Variants in TTC5 observed in about 807,000 individuals in gnomAD.
TTC5 encodes tetratricopeptide repeat protein 5.
A neutral mutation model predicts 57.4 loss-of-function variants in TTC5; 46 were observed. The ratio of observed to expected loss-of-function variants is 0.80; its 90% CI spans 0.63 to 1.03. The LOEUF is 1.03. TTC5 is among the 50% of genes least tolerant of loss of function. TTC5 has a pLI of 0.00. For synonymous variants in TTC5, 190 were observed against 203.5 expected, an observed-to-expected ratio of 0.93 and a Z score of 0.57; for missense variants, 504 against 528.1, an observed-to-expected ratio of 0.95 and a Z score of 0.45.
In TTC5 at chr14:20,289,739, G is replaced by A. The variant is rs1396529797; in HGVS notation, c.1211C>T (p.Ser404Phe). 1.2e-6 allele frequency: 2 copies of A among 1,612,884 alleles called. No homozygotes were observed. Among genetic ancestry groups the A allele is most frequent in the South Asian group, 2.2e-5 (2 of 90,912 alleles). ...CGTCTCCACTCGAACACTGGAAAAG[G>A]AATAGTCCTAGAAAAGACAGACAGA... ...HRIQHKGKDY[S>F]FSSVRVETPL... The change falls in exon 10 of 10, where the codon TCC (serine) becomes TTC (phenylalanine). Residue 404 changes from serine (S) to phenylalanine (F), a missense_variant. Coordinates refer to ENST00000258821, the MANE Select transcript of TTC5 (RefSeq NM_138376.3).
chr14:20,297,602 C>G lies in TTC5; in HGVS notation c.640-1156G>C, dbSNP rs141596189. Among the ~76,000 whole-genome samples the G allele has an allele frequency of 2.2e-3, 334 of 152,158 alleles. 4 individuals are homozygous for G. Among genetic ancestry groups the G allele is most frequent in the African/African-American group, 7.6e-3 (317 of 41,492 alleles). ...CCTGGCCAACATGGTGAAACCCCGC[C>G]TCTACTAAAAATACAAAAATTAGGC... On this transcript the variant is annotated intron_variant, in intron 5 of 9. Transcript: ENST00000258821.
At chr14:20,302,861 T>C (rs1882218895) in intron 1 of TTC5, among the ~76,000 whole-genome samples, 5 of 152,148 alleles carry the variant, frequency 3.3e-5, no homozygotes, top group Admixed American at 3.3e-4. Context: ...TTTCAGCCTA[T>C]GTGTATAAAG....
At chr14:20,300,094 C>A (rs1228701964) in intron 3 of TTC5, among the ~76,000 whole-genome samples, 2 of 146,390 alleles carry the variant, frequency 1.4e-5, no homozygotes, top group African/African-American at 5.0e-5. Flanking sequence ...CCCACTTTGG[C>A]CTCCCAAAGT....
chr14:20,302,363 T>C (rs1028439146), intron 1 of TTC5, among the ~76,000 whole-genome samples: 2 of 152,254 alleles, frequency 1.3e-5, no homozygotes, highest in Non-Finnish European at 2.9e-5. Flanking sequence ...CTTTGAAATT[T>C]ACCCTTAAAG....
Position 20,295,846 on chromosome 14 carries a change from T to C in TTC5, c.705A>G (p.Lys235=), listed in dbSNP as rs758136785. ...GGGCCTCCCCATAACTCTCTTCATA[T>C]TTATGCAACTGTACAAGAAGTGTAT... ...DLHLNRATLH[K]YEESYGEALE... is the part of the protein sequence containing the mutation. The change falls in exon 7 of 10, where the codon AAA becomes AAG. Residue 235 remains lysine, a synonymous_variant. Transcript: ENST00000258821. 1 of 1,582,086 alleles carries C rather than the reference T, an allele frequency of 6.3e-7. No individual in the cohort carries two copies. Among genetic ancestry groups the C allele is most frequent in the Non-Finnish European group, 8.5e-7 (1 of 1,170,828 alleles).
At chr14:20,295,557 G>A (rs72671250) in intron 7 of TTC5, 31 bp from the exon 8 acceptor site, 121,445 of 1,594,712 alleles carry the variant, frequency 0.076, 5,167 homozygotes, top group Middle Eastern at 0.092. Context: ...GTAAGAAGCT[G>A]GAAACTAGTC....
intron 9 of TTC5, among the ~76,000 whole-genome samples, chr14:20,291,063 C>CTT (rs201999119): frequency 1.0e-4 from 15 of 148,926 alleles, no homozygotes; most frequent in African/African-American, 3.2e-4. Context: ...TCTTGTTTTT[C>CTT]TTTTTTTTTT....
At chr14:20,301,706 A>G in intron 2 of TTC5, 127 bp downstream of exon 2, 1 of 1,192,192 alleles carries the variant, frequency 8.4e-7, no homozygotes, top group Non-Finnish European at 1.2e-6. Flanking sequence ...GGGCCCTGAG[A>G]AGTAGTATTA....
In TTC5 at chr14:20,287,858, C is replaced by T. The variant is rs1881870274; in HGVS notation, c.*1769G>A. 1 of 152,188 alleles carries T rather than the reference C, an allele frequency of 6.6e-6. No homozygotes were observed. The highest frequency in any genetic ancestry group is 2.1e-4 in the South Asian group (1 of 4,824). The allele number at this position is 152,188 out of a possible 1,614,324, so 9.4% of individuals were successfully genotyped here. A position where few individuals can be genotyped will look rare whatever the true frequency, so the allele number is the denominator to read the frequency against. ...AAGTTATTTTTATACCCCACAAGCT[C>T]CTAATCACTCTTCTATGACTCTAGG... On this transcript the variant is annotated 3_prime_UTR_variant, in exon 10 of 10. Transcript: ENST00000258821.
chr14:20,298,548 G>A (rs1882112987), intron 5 of TTC5, among the ~76,000 whole-genome samples: 1 of 152,204 alleles, frequency 6.6e-6, no homozygotes, highest in African/African-American at 2.4e-5. Context: ...TTATATATGT[G>A]TGTAAGAAAC....
intron 8 of TTC5, chr14:20,295,079 T>G (rs1272784246): frequency 1.7e-5 from 9 of 539,384 alleles, no homozygotes; most frequent in South Asian, 1.6e-4. Context: ...GGAATCCACA[T>G]AGCACCAAAC....
intron 5 of TTC5, among the ~76,000 whole-genome samples, chr14:20,297,620 A>T (rs1882092934): frequency 6.6e-6 from 1 of 152,036 alleles, no homozygotes; most frequent in South Asian, 2.1e-4. Flanking sequence ...AAAATACAAA[A>T]ATTAGGCGGG....
At position 20,289,286 on chromosome 14, in the gene TTC5, T is replaced by C. The variant is rs1028127188; in HGVS notation, c.*341A>G. On this transcript the variant is annotated 3_prime_UTR_variant, in exon 10 of 10. Coordinates refer to ENST00000258821, the MANE Select transcript of TTC5 (RefSeq NM_138376.3). ...AATAAATACTGAACTGATATATACA[T>C]ATGAGGCTTAGGAAGGAGGCAACAA... The C allele has an allele frequency of 8.7e-5, 16 of 184,852 alleles. No individual in the cohort carries two copies. The highest frequency in any genetic ancestry group is 3.5e-4 in the African/African-American group (15 of 43,038). The allele number at this position is 184,852 out of a possible 1,614,324, so 11.5% of individuals were successfully genotyped here.
At chr14:20,301,575 G>A (rs1882191373) in intron 2 of TTC5, among the ~76,000 whole-genome samples, 1 of 152,220 alleles carries the variant, frequency 6.6e-6, no homozygotes, top group African/African-American at 2.4e-5. Context: ...GAAAGTAAAA[G>A]AAATTAGAGG....
In TTC5 at chr14:20,291,961, G is replaced by C. The variant is rs1881961847; in HGVS notation, c.1203+22C>G. ...TACTTTTAGAGCCTACGAGTTGTAA[G>C]AGAATCCTAGCCATTGCTCACCTTT... On this transcript the variant is annotated intron_variant, in intron 9 of 9. Transcript: ENST00000258821. 9 of 1,535,858 alleles carry C rather than the reference G, an allele frequency of 5.9e-6. No individual in the cohort carries two copies. The East Asian group carries it at 1.9e-4, about 32-fold the overall frequency.
Position 20,299,465 on chromosome 14 carries a change from C to T in TTC5, c.397-17G>A, listed in dbSNP as rs779755449. 9.9e-6 allele frequency: 16 copies of T among 1,611,830 alleles called. No homozygotes were observed. The highest frequency in any genetic ancestry group is 1.3e-5 in the African/African-American group (1 of 74,912). ...GTTCCTGCACTGCAAATAGGAAGGG[C>T]ACATACTCAATCTTCCTGATTCTAC... On this transcript the variant is annotated splice_polypyrimidine_tract_variant and intron_variant, in intron 3 of 9. Transcript: ENST00000258821.
chr14:20,300,795 C>T lies in TTC5; in HGVS notation c.208G>A (p.Val70Ile). The change falls in exon 3 of 10, where the codon GTT (valine) becomes ATT (isoleucine). Residue 70 changes from valine to isoleucine, a missense_variant. By Grantham distance (29) the Val-to-Ile change is conservative (BLOSUM62 3). Coordinates refer to ENST00000258821, the MANE Select transcript of TTC5 (RefSeq NM_138376.3). Reference protein sequence around the residue: ...VVGSVQGKAQVLMLTGKALNV... With the variant: ...VVGSVQGKAQILMLTGKALNV... The stretch of plus-strand genomic sequence containing the variant: ...AGTGCTTTCCCAGTTAGCATTAGAA[C>T]TTGTGCCTTGCCCTGGACAGAACCT... 8 of 1,613,948 alleles carry T rather than the reference C, an allele frequency of 5.0e-6. No homozygotes were observed. The highest frequency in any genetic ancestry group is 1.1e-5 in the South Asian group (1 of 91,064).
At chr14:20,302,711 A>G (rs1882216202) in intron 1 of TTC5, among the ~76,000 whole-genome samples, 1 of 152,148 alleles carries the variant, frequency 6.6e-6, no homozygotes, top group Admixed American at 6.5e-5. Flanking sequence ...CCCTAATGCA[A>G]AAATCTGAAA....
intron 1 of TTC5, among the ~76,000 whole-genome samples, chr14:20,304,177 C>T (rs1348858279): frequency 2.0e-5 from 3 of 152,136 alleles, no homozygotes; most frequent in African/African-American, 7.2e-5. Flanking sequence ...AGCACCAGAA[C>T]GGGACTTGGG....
Sources: gnomAD v4.1 joint callset for allele counts (sites outside exome capture counted in the v4.1 genomes callset) on GRCh38, gnomAD v4.1.1 for gene constraint, MANE v1.5 for transcripts, NCBI Gene and HGNC (gene_info 2026-07-23, HGNC 2026-07-21) for gene names.